Variants in RYR3 observed in about 807,000 individuals in gnomAD.
RYR3 encodes the protein ryanodine receptor 3.
RYR3 carries 207 observed loss-of-function variants against 584.3 expected under a neutral mutation model. The ratio of observed to expected loss-of-function variants is 0.35; its 90% CI spans 0.32 to 0.40. The LOEUF is 0.40. RYR3 is among the 10% of genes least tolerant of loss of function. The pLI, the probability that RYR3 is intolerant of heterozygous loss-of-function variation, is 1.00. For missense variants in RYR3, 5,616 were observed against 6,089.2 expected, an observed-to-expected ratio of 0.92 and a Z score of 2.59; for synonymous variants, 2,416 against 2,248.5, an observed-to-expected ratio of 1.07 and a Z score of -2.11.
intron 5 of RYR3, among the ~76,000 whole-genome samples, chr15:33,534,529 A>G (rs527494970): frequency 3.3e-5 from 5 of 152,128 alleles, no homozygotes; most frequent in African/African-American, 1.2e-4. Flanking sequence ...TTTTTTTTTT[A>G]GTATAGTCAA....
chr15:33,589,086 G>C (rs990871554), intron 16 of RYR3, among the ~76,000 whole-genome samples: 4 of 152,152 alleles, frequency 2.6e-5, no homozygotes, highest in African/African-American at 9.7e-5. Flanking sequence ...ACGTGTATAA[G>C]CATTCCCTTT....
intron 88 of RYR3, 44 bp from the exon 89 acceptor site, chr15:33,837,587 G>C: frequency 6.7e-7 from 1 of 1,500,404 alleles, no homozygotes; most frequent in Non-Finnish European, 8.9e-7. Context: ...TGATAGCTTG[G>C]GTTTATTTGT....
chr15:33,608,169 TG>T (rs2060001243), intron 18 of RYR3, among the ~76,000 whole-genome samples: 1 of 152,238 alleles, frequency 6.6e-6, no homozygotes, highest in Admixed American at 6.5e-5. Context: ...TGGGTACCAC[TG>T]TGCCCATTTT....
At chr15:33,478,638 T>A (rs1045243142) in intron 2 of RYR3, among the ~76,000 whole-genome samples, 19 of 152,168 alleles carry the variant, frequency 1.2e-4, no homozygotes, top group African/African-American at 4.6e-4. Context: ...GAAGGTCAAA[T>A]TCTCATGCAA....
intron 3 of RYR3, among the ~76,000 whole-genome samples, chr15:33,516,222 T>C (rs1318291562): frequency 6.6e-6 from 1 of 152,164 alleles, no homozygotes; most frequent in Non-Finnish European, 1.5e-5. Flanking sequence ...CAATATAGGC[T>C]ACTTTAATTT....
At chr15:33,862,375 ATT>A (rs11350081) in intron 102 of RYR3, among the ~76,000 whole-genome samples, 6 of 150,906 alleles carry the variant, frequency 4.0e-5, no homozygotes, top group Admixed American at 6.6e-5. Context: ...GCACCAGCTA[ATT>A]TTTTTTTTTG....
chr15:33,636,269 T>C (rs780118688), intron 26 of RYR3, 107 bp from the exon 27 acceptor site: 26 of 957,418 alleles, frequency 2.7e-5, no homozygotes, highest in Non-Finnish European at 3.1e-5. Flanking sequence ...CCCCTAGAAA[T>C]CATGTAACCA....
intron 1 of RYR3, among the ~76,000 whole-genome samples, chr15:33,453,171 T>C (rs1225310365): frequency 6.6e-6 from 1 of 152,198 alleles, no homozygotes; most frequent in African/African-American, 2.4e-5. Flanking sequence ...AAGACCTTTA[T>C]TAAATCATCC....
intron 65 of RYR3, among the ~76,000 whole-genome samples, chr15:33,783,831 CCTG>C (rs1329788658): frequency 2.6e-5 from 4 of 152,174 alleles, no homozygotes; most frequent in Non-Finnish European, 5.9e-5. Flanking sequence ...CCATTGTTGT[CCTG>C]CTGCAAGATG....
At chr15:33,357,813 A>G (rs1392784880) in intron 1 of RYR3, among the ~76,000 whole-genome samples, 1 of 152,078 alleles carries the variant, frequency 6.6e-6, no homozygotes, top group African/African-American at 2.4e-5. Flanking sequence ...TTCCCCCAGC[A>G]CCGCCCCCAG....
At chr15:33,547,874 C>T (rs1413716322) in intron 8 of RYR3, among the ~76,000 whole-genome samples, 1 of 152,192 alleles carries the variant, frequency 6.6e-6, no homozygotes, top group African/African-American at 2.4e-5. Flanking sequence ...CTGCCTTTCC[C>T]TTGTATACCT....
chr15:33,780,426 A>G, intron 65 of RYR3, 85 bp downstream of exon 65: 2 of 1,417,142 alleles, frequency 1.4e-6, no homozygotes, highest in Admixed American at 4.0e-5. Flanking sequence ...GCAGCCCTGC[A>G]GCACTGTGGC....
intron 10 of RYR3, among the ~76,000 whole-genome samples, chr15:33,560,665 C>A (rs1045745191): frequency 7.9e-5 from 12 of 152,232 alleles, no homozygotes; most frequent in Non-Finnish European, 1.5e-4. Context: ...ATTTTCGCAT[C>A]TTTTCAGTCC....
chr15:33,592,568 A>G (rs1354791585), intron 16 of RYR3, among the ~76,000 whole-genome samples: 4 of 152,202 alleles, frequency 2.6e-5, no homozygotes, highest in African/African-American at 9.7e-5. Context: ...TTAGTCCCCT[A>G]TACCTGCAAG....
intron 18 of RYR3, among the ~76,000 whole-genome samples, chr15:33,611,807 C>T (rs764886768): frequency 7.9e-5 from 12 of 151,924 alleles, no homozygotes; most frequent in African/African-American, 1.4e-4. Flanking sequence ...TACAGGTGCA[C>T]GTCATCACGC....
intron 1 of RYR3, among the ~76,000 whole-genome samples, chr15:33,432,943 C>T (rs2676028): frequency 0.21 from 32,575 of 151,722 alleles, 4,764 homozygotes; most frequent in African/African-American, 0.42. Context: ...ATTAATCTAG[C>T]CTTAGAACCG....
intron 16 of RYR3, among the ~76,000 whole-genome samples, chr15:33,588,620 A>G: frequency 6.6e-6 from 1 of 152,080 alleles, no homozygotes; most frequent in Middle Eastern, 3.2e-3. Context: ...CCACACTTCC[A>G]AGTTGCCAAC....
At chr15:33,846,992 T>C (rs1169094289) in intron 93 of RYR3, 1 of 152,196 alleles carries the variant, frequency 6.6e-6, no homozygotes, top group Non-Finnish European at 1.5e-5. Flanking sequence ...AAGTAAAGAA[T>C]GTGGAAGTTC....
chr15:33,589,029 C>G (rs995843363), intron 16 of RYR3, among the ~76,000 whole-genome samples: 1 of 152,174 alleles, frequency 6.6e-6, no homozygotes, highest in African/African-American at 2.4e-5. Flanking sequence ...TTTGAGAAAT[C>G]TCCATACTGT....
Sources: gnomAD v4.1 joint callset for allele counts (sites outside exome capture counted in the v4.1 genomes callset) on GRCh38, gnomAD v4.1.1 for gene constraint, MANE v1.5 for transcripts, NCBI Gene and HGNC (gene_info 2026-07-23, HGNC 2026-07-21) for gene names.